TMED1: variants seen among roughly 807,000 people sequenced by gnomAD.
The protein encoded by TMED1 is transmembrane emp24 domain-containing protein 1.
In TMED1, 20 loss-of-function variants were observed where a neutral mutation model predicts 21.2. The observed-to-expected ratio is 0.95, with a 90% CI of 0.67 to 1.37. The LOEUF is 1.37. Ranked by LOEUF, TMED1 falls within the 40% of genes most tolerant of loss-of-function variation. The pLI, the probability that TMED1 is intolerant of heterozygous loss-of-function variation, is 0.00. For missense variants in TMED1, 316 were observed against 309.8 expected, an observed-to-expected ratio of 1.02 and a Z score of -0.15; for synonymous variants, 149 against 134.7, an observed-to-expected ratio of 1.11 and a Z score of -0.74.
intron 3 of TMED1, among the ~76,000 whole-genome samples, chr19:10,834,452 T>C (rs1402553107): frequency 2.0e-5 from 3 of 148,056 alleles, no homozygotes; most frequent in South Asian, 4.3e-4. Flanking sequence ...AGAAATGAAC[T>C]ACTTTTTTTT....
chr19:10,833,352 G>GT, intron 3 of TMED1, 139 bp from the exon 4 acceptor site: 7 of 701,844 alleles, frequency 1.0e-5, no homozygotes, highest in African/African-American at 7.1e-5. Context: ...TTCAGGCTAA[G>GT]TTCAAATCCT....
chr19:10,835,603 C>T (rs1056933085), intron 1 of TMED1: 1 of 1,417,502 alleles, frequency 7.1e-7, no homozygotes, highest in African/African-American at 1.4e-5. Context: ...GGACGTTTAC[C>T]TGACCACGCC....
At chr19:10,834,551 C>T (rs947525247) in intron 3 of TMED1, among the ~76,000 whole-genome samples, 3 of 151,258 alleles carry the variant, frequency 2.0e-5, no homozygotes, top group Non-Finnish European at 2.9e-5. Flanking sequence ...CCTCTGCCTC[C>T]CAGGTTCAAC....
intron 1 of TMED1, chr19:10,835,683 C>G (rs372714146): frequency 2.4e-5 from 34 of 1,402,616 alleles, no homozygotes; most frequent in East Asian, 1.0e-4. Flanking sequence ...CGAGAAAGGC[C>G]TGTGTGGGCA....
chr19:10,835,652 CT>C, intron 1 of TMED1: 2 of 1,405,570 alleles, frequency 1.4e-6, no homozygotes, highest in Admixed American at 2.9e-5. Context: ...TAGGCCCAGC[CT>C]TTTTCCTTAG....
In TMED1 at chr19:10,833,145, G is replaced by C; in HGVS notation, c.534C>G (p.Phe178Leu). The C allele has an allele frequency of 6.2e-7, 1 of 1,613,950 alleles. No individual in the cohort carries two copies. The highest frequency in any genetic ancestry group is 1.1e-5 in the South Asian group (1 of 91,090). ...SIQMLTLLRA[F>L]EARDRNLQEG... ...CTTGCAGGTTGCGGTCACGTGCCTC[G>C]AAGGCCCGCAGTAGCGTGAGCATCT... Residue 178 changes from phenylalanine to leucine, a missense_variant, in exon 4 of 4, where the codon TTC becomes TTG. Coordinates refer to ENST00000214869, the MANE Select transcript of TMED1 (RefSeq NM_006858.4).
chr19:10,835,428 C>G (rs1160924967), intron 1 of TMED1, 75 bp from the exon 2 acceptor site: 2 of 1,591,050 alleles, frequency 1.3e-6, no homozygotes, highest in Middle Eastern at 1.8e-4. Context: ...TACGGCTGAA[C>G]CAACACTGAT....
chr19:10,835,564 T>G, intron 1 of TMED1: 4 of 1,437,578 alleles, frequency 2.8e-6, no homozygotes, highest in South Asian at 1.4e-5. Context: ...TACTTTCAGC[T>G]GACCACGCAC....
chr19:10,834,236 G>C (rs528836225), intron 3 of TMED1, among the ~76,000 whole-genome samples: 2 of 152,146 alleles, frequency 1.3e-5, no homozygotes, highest in Non-Finnish European at 2.9e-5. Context: ...GAGCATAGTT[G>C]CTGAAACCAG....
Position 10,835,346 on chromosome 19 carries a change from C to T in TMED1, c.191G>A (p.Gly64Glu), listed in dbSNP as rs571976171. ...GAAGTCCACGTCCAGTCCAGCACCT[C>T]CGATCACCTGGGGGGCAGGTAAGAG... ...ASLETEYQVI[G>E]GAGLDVDFTL... is the part of the protein sequence containing the mutation. Residue 64 changes from glycine (G) to glutamate (E), a missense_variant, in exon 2 of 4, where the codon GGA becomes GAA. Transcript: ENST00000214869. The T allele has an allele frequency of 4.3e-6, 7 of 1,613,590 alleles. No homozygotes were observed. The South Asian group carries it at 6.6e-5, about 15-fold the overall frequency.
rs2073409616 is a variant in TMED1, at chr19:10,835,032, G to A, written c.367C>T (p.Leu123=). Residue 123 remains leucine, a synonymous_variant, in exon 3 of 4, where the codon CTG becomes TTG. Transcript: ENST00000214869. ...TCATCCTGGAGGCTGTCAAAGATCA[G>A]TTCAAAGAACACCAGCTTCTCGGAG... ...TISEKLVFFE[L]IFDSLQDDEE... 1 of 1,614,234 alleles carries A rather than the reference G, an allele frequency of 6.2e-7. No homozygotes were observed. Among genetic ancestry groups the A allele is most frequent in the East Asian group, 2.2e-5 (1 of 44,890 alleles).
At position 10,833,043 on chromosome 19, in the gene TMED1, G is replaced by A; in HGVS notation, c.636C>T (p.Val212=). The change falls in exon 4 of 4, where the codon GTC becomes GTT. Residue 212 remains valine, a synonymous_variant. Coordinates refer to ENST00000214869, the MANE Select transcript of TMED1 (RefSeq NM_006858.4). ...CCTGGAAGAAGCGCTTGAGCGTGCA[G>A]ACCTGCAGCACAGCCACCAGCAGCA... ...AVLLLVAVLQ[V]CTLKRFFQDK... is the part of the protein sequence containing the mutation. The A allele has an allele frequency of 3.7e-6, 6 of 1,613,828 alleles. No homozygotes were observed. The highest frequency in any genetic ancestry group is 5.1e-6 in the Non-Finnish European group (6 of 1,180,044).
Position 10,832,622 on chromosome 19 carries a change from T to G in TMED1, c.*373A>C. The G allele has an allele frequency of 3.7e-6, 2 of 534,742 alleles. No homozygotes were observed. Among genetic ancestry groups the G allele is most frequent in the Non-Finnish European group, 6.7e-6 (2 of 298,122 alleles). The allele number at this position is 534,742 out of a possible 1,614,324, so 33.1% of individuals were successfully genotyped here. A position where few individuals can be genotyped will look rare whatever the true frequency, so the allele number is the denominator to read the frequency against. Reference sequence around the variant, plus strand: ...GGCATTCTGTTACCAGACCTCAACCTGGCTTGGAGGGCCCAGGTTTCCTTG... The same window carrying G: ...GGCATTCTGTTACCAGACCTCAACCGGGCTTGGAGGGCCCAGGTTTCCTTG... On this transcript the variant is annotated 3_prime_UTR_variant, in exon 4 of 4. Transcript: ENST00000214869.
Position 10,832,732 on chromosome 19 carries a change from T to C in TMED1, c.*263A>G, listed in dbSNP as rs2073372805. 2 of 597,332 alleles carry C rather than the reference T, an allele frequency of 3.3e-6. No homozygotes were observed. The highest frequency in any genetic ancestry group is 3.0e-5 in the Admixed American group (1 of 33,744). The allele number at this position is 597,332 out of a possible 1,614,324, so 37.0% of individuals were successfully genotyped here. A position where few individuals can be genotyped will look rare whatever the true frequency, so the allele number is the denominator to read the frequency against. The stretch of plus-strand genomic sequence containing the variant: ...CATTTACAGTAGAGGGGCCAGGAAA[T>C]CCGAGGCTCACGTTCCAACGCTGCA... On this transcript the variant is annotated 3_prime_UTR_variant, in exon 4 of 4. Transcript: ENST00000214869.
chr19:10,835,859 C>A, intron 1 of TMED1, 150 bp downstream of exon 1: 10 of 1,421,266 alleles, frequency 7.0e-6, no homozygotes, highest in Non-Finnish European at 9.2e-6. Flanking sequence ...CACACCGTCC[C>A]CGCCCCATCT....
At chr19:10,834,789 A>C in intron 3 of TMED1, 145 bp downstream of exon 3, 1 of 1,022,242 alleles carries the variant, frequency 9.8e-7, no homozygotes, top group African/African-American at 1.6e-5. Context: ...CCTGAAATGA[A>C]CTACTTATTT....
At position 10,836,171 on chromosome 19, in the gene TMED1, G is replaced by C; in HGVS notation, c.21C>G (p.Ala7=). The change falls in exon 1 of 4, where the codon GCC becomes GCG. Residue 7 remains alanine (A), a synonymous_variant. Transcript: ENST00000214869. ...TTAGTAGCCACAAGGCCAGGGCTAG[G>C]GCCGCGCCGGCCGCCATCATCCGGG... MMAAGA[A]LALALWLLMP... 6.4e-7 allele frequency: 1 copy of C among 1,553,794 alleles called. No individual in the cohort carries two copies. Among genetic ancestry groups the C allele is most frequent in the Admixed American group, 2.0e-5 (1 of 48,956 alleles).
intron 1 of TMED1, 182 bp downstream of exon 1, chr19:10,835,827 A>C (rs1599649751): frequency 2.1e-6 from 2 of 967,736 alleles, no homozygotes; most frequent in Non-Finnish European, 1.2e-6. Flanking sequence ...CTGCTTCATT[A>C]CTCCCTCCCC....
Position 10,833,228 on chromosome 19 carries a change from G to A in TMED1, c.466-15C>T. ...TCAATGGACTCCTACAGGGCAGCGG[G>A]AGGGGAAGGGTCAGGCCTCCCTCCA... On this transcript the variant is annotated splice_polypyrimidine_tract_variant and intron_variant, in intron 3 of 3. Coordinates refer to ENST00000214869, the MANE Select transcript of TMED1 (RefSeq NM_006858.4). The A allele has an allele frequency of 6.3e-7, 1 of 1,591,994 alleles. No individual in the cohort carries two copies. Among genetic ancestry groups the A allele is most frequent in the Middle Eastern group, 1.7e-4 (1 of 6,022 alleles).
Sources: allele counts gnomAD v4.1 joint callset (sites outside exome capture counted in the v4.1 genomes callset), GRCh38; gene constraint gnomAD v4.1.1; transcripts MANE v1.5; gene names NCBI Gene and HGNC (gene_info 2026-07-23, HGNC 2026-07-21).